RBBP4: variants seen among roughly 807,000 people sequenced by gnomAD.
RBBP4 encodes histone-binding protein RBBP4.
A neutral mutation model predicts 57.2 loss-of-function variants in RBBP4; 3 were observed. The observed-to-expected ratio is 0.05, with a 90% CI of 0.02 to 0.14. The LOEUF is 0.14. Ranked by LOEUF, RBBP4 falls within the 10% of genes least tolerant of loss-of-function variation. The pLI, the probability that RBBP4 is intolerant of heterozygous loss-of-function variation, is 1.00. For synonymous variants in RBBP4, 151 were observed against 171.5 expected (o/e 0.88, Z 0.93); for missense variants, 107 against 520.6 (o/e 0.21, Z 7.73).
In RBBP4 at chr1:32,679,715, T is replaced by C; in HGVS notation, c.*10T>C. 2 of 1,612,998 alleles carry C rather than the reference T, an allele frequency of 1.2e-6. No homozygotes were observed. The highest frequency in any genetic ancestry group is 1.7e-5 in the Admixed American group (1 of 59,824). ...AGGACAAGGGTCCTAGATATGTCTT[T>C]ACTTGTTGTGATTTTAGACTCCCCT... On this transcript the variant is annotated 3_prime_UTR_variant, in exon 12 of 12. Transcript: ENST00000373493.
chr1:32,661,368 C>CA lies in RBBP4; in HGVS notation c.310+3797dup, dbSNP rs200996731. Among the ~76,000 whole-genome samples, 521 of 146,432 alleles carry CA rather than the reference C, an allele frequency of 3.6e-3. 4 individuals are homozygous for CA. The highest frequency in any genetic ancestry group is 0.012 in the African/African-American group (493 of 39,594). ...GGAGTAAAGTGGCGCTATCTCAACT[C>CA]ACTGCACTCTCCGCCTCCCAGGTTC... On this transcript the variant is annotated intron_variant, in intron 3 of 11. Coordinates refer to ENST00000373493, the MANE Select transcript of RBBP4 (RefSeq NM_005610.3).
At chr1:32,652,322 C>T in intron 2 of RBBP4, 1 of 377,472 alleles carries the variant, frequency 2.6e-6, no homozygotes, top group Non-Finnish European at 4.8e-6. Context: ...ATAATAGTGG[C>T]TGTACCAAAT....
At chr1:32,656,344 C>CG (rs571804019) in intron 2 of RBBP4, among the ~76,000 whole-genome samples, 1 of 39,932 alleles carries the variant, frequency 2.5e-5, no homozygotes, top group Non-Finnish European at 1.9e-4. Context: ...AGCCAGCCGC[C>CG]GGTTTTTTTT....
chr1:32,683,320 C>T lies in RBBP4; in HGVS notation c.*3615C>T, dbSNP rs1161616365. 6.6e-6 allele frequency: 1 copy of T among 150,986 alleles called. No homozygotes were observed. Among genetic ancestry groups the T allele is most frequent in the Non-Finnish European group, 1.5e-5 (1 of 67,896 alleles). The allele number at this position is 150,986 out of a possible 1,614,324, so 9.4% of individuals were successfully genotyped here. On this transcript the variant is annotated 3_prime_UTR_variant, in exon 12 of 12. Coordinates refer to ENST00000373493, the MANE Select transcript of RBBP4 (RefSeq NM_005610.3). ...TGTGTAACATGAACATCTCTGCTTC[C>T]ACCCAAAACCACAGCCTTTGAATAT...
chr1:32,657,998 G>A (rs927022143), intron 3 of RBBP4, among the ~76,000 whole-genome samples: 1 of 151,820 alleles, frequency 6.6e-6, no homozygotes, highest in Admixed American at 6.6e-5. Flanking sequence ...GATTACAGGC[G>A]CCCGCCACCA....
rs576013659 is a variant in RBBP4, at chr1:32,663,599, CAG to C, written c.311-4623_311-4622del. 7.9e-4 allele frequency among the ~76,000 whole-genome samples: 117 copies of C among 148,764 alleles called. 2 individuals carry two copies. In the South Asian group the frequency reaches 0.023, roughly 30 times the overall value. ...CCTGAAATATTTTTTTTTTTTGAGA[CAG>C]AGTCTCGCTTTATCGCCCAGGCTGG... On this transcript the variant is annotated intron_variant, in intron 3 of 11. Coordinates refer to ENST00000373493, the MANE Select transcript of RBBP4 (RefSeq NM_005610.3).
intron 3 of RBBP4, among the ~76,000 whole-genome samples, chr1:32,664,390 A>G (rs1240890479): frequency 6.6e-6 from 1 of 152,144 alleles, no homozygotes; most frequent in Non-Finnish European, 1.5e-5. Flanking sequence ...GCTCTGTGCC[A>G]ACTGTGGCTT....
chr1:32,651,779 A>C (rs969683175), intron 1 of RBBP4, 135 bp from the exon 2 acceptor site: 5 of 1,059,286 alleles, frequency 4.7e-6, no homozygotes, highest in Admixed American at 2.4e-5. Context: ...GAGAGTGTGG[A>C]TGCCTCTGCC....
Position 32,680,511 on chromosome 1 carries a change from G to A in RBBP4, c.*806G>A. On this transcript the variant is annotated 3_prime_UTR_variant, in exon 12 of 12. Coordinates refer to ENST00000373493, the MANE Select transcript of RBBP4 (RefSeq NM_005610.3). ...ATTAAATTAATCCTTGATAAGAGTT[G>A]CTTTTTTTTTTTAGGAGTTAGTCCT... 1 of 1,535,106 alleles carries A rather than the reference G, an allele frequency of 6.5e-7. No individual in the cohort carries two copies. Among genetic ancestry groups the A allele is most frequent in the Non-Finnish European group, 8.8e-7 (1 of 1,140,812 alleles).
At chr1:32,673,470 C>T (rs571495784) in intron 11 of RBBP4, 65 of 423,484 alleles carry the variant, frequency 1.5e-4, no homozygotes, top group African/African-American at 1.2e-3. Context: ...TGGTCTCTCA[C>T]TTTTTCACCC....
intron 8 of RBBP4, among the ~76,000 whole-genome samples, chr1:32,671,067 A>G (rs1314432379): frequency 6.6e-6 from 1 of 152,142 alleles, no homozygotes. Context: ...CACTTTTACC[A>G]TATTTGGTAG....
In RBBP4 at chr1:32,662,598, A is replaced by G. The variant is rs371807037; in HGVS notation, c.310+5026A>G. Among the ~76,000 whole-genome samples, 6 of 148,032 alleles carry G rather than the reference A, an allele frequency of 4.1e-5. No individual in the cohort carries two copies. The East Asian group carries it at 6.3e-4, about 16-fold the overall frequency. ...ACTACGTTGGCCAGGTTGGTCTCGA[A>G]CTCCTGACCTCGTGATCCACCTGCC... is the stretch of plus-strand genomic sequence containing the variant. On this transcript the variant is annotated intron_variant, in intron 3 of 11. Transcript: ENST00000373493.
chr1:32,664,694 A>G (rs1476303273), intron 3 of RBBP4, among the ~76,000 whole-genome samples: 1 of 151,714 alleles, frequency 6.6e-6, no homozygotes, highest in African/African-American at 2.4e-5. Flanking sequence ...CTTGTGATCC[A>G]CCCGTCTCGG....
intron 3 of RBBP4, among the ~76,000 whole-genome samples, chr1:32,663,584 T>TG (rs1340368697): frequency 6.7e-6 from 1 of 149,522 alleles, no homozygotes; most frequent in Non-Finnish European, 1.5e-5. Flanking sequence ...CCTGAAATAT[T>TG]TTTTTTTTTT....
intron 2 of RBBP4, among the ~76,000 whole-genome samples, chr1:32,656,268 C>T (rs1351958165): frequency 2.6e-5 from 4 of 152,274 alleles, no homozygotes; most frequent in Non-Finnish European, 4.4e-5. Flanking sequence ...GATCTCTGCT[C>T]ACTGCAGCCT....
intron 11 of RBBP4, among the ~76,000 whole-genome samples, 182 bp downstream of exon 11, chr1:32,673,083 A>G (rs549102585): frequency 6.6e-6 from 1 of 152,260 alleles, no homozygotes; most frequent in South Asian, 2.1e-4. Context: ...TGGTCATACC[A>G]CTGGTATTTT....
chr1:32,678,743 C>T (rs994885727), intron 11 of RBBP4, among the ~76,000 whole-genome samples: 1 of 151,766 alleles, frequency 6.6e-6, no homozygotes, highest in African/African-American at 2.4e-5. Context: ...GGGTGCACCC[C>T]CACACATGGC....
chr1:32,653,754 G>T (rs1648012901), intron 2 of RBBP4, among the ~76,000 whole-genome samples: 1 of 141,078 alleles, frequency 7.1e-6, no homozygotes, highest in Admixed American at 7.8e-5. Flanking sequence ...CGCCTCCCGG[G>T]TTCACGCCAT....
chr1:32,682,343 C>A lies in RBBP4; in HGVS notation c.*2638C>A. On this transcript the variant is annotated 3_prime_UTR_variant, in exon 12 of 12. Coordinates refer to ENST00000373493, the MANE Select transcript of RBBP4 (RefSeq NM_005610.3). ...GGCTGAGGCAGGAGTATTGTTTGAA[C>A]CCAGGAGGCAGAGTTGCAGTGAGCC... 6.5e-6 allele frequency: 1 copy of A among 153,810 alleles called. No homozygotes were observed. Among genetic ancestry groups the A allele is most frequent in the Non-Finnish European group, 1.4e-5 (1 of 69,228 alleles). The allele number at this position is 153,810 out of a possible 1,614,324, so 9.5% of individuals were successfully genotyped here.
Sources: gnomAD v4.1 joint callset for allele counts (sites outside exome capture counted in the v4.1 genomes callset) on GRCh38, gnomAD v4.1.1 for gene constraint, MANE v1.5 for transcripts, NCBI Gene and HGNC (gene_info 2026-07-23, HGNC 2026-07-21) for gene names.